NBPF26: variants seen among roughly 807,000 people sequenced by gnomAD.
The protein encoded by NBPF26 is NBPF member 26.
NBPF26 carries 79 observed loss-of-function variants against 119.6 expected under a neutral mutation model. The observed-to-expected ratio is 0.66, with a 90% CI of 0.55 to 0.80. The LOEUF (loss-of-function observed/expected upper bound fraction) is 0.80. Ranked by LOEUF, NBPF26 falls within the 30% of genes least tolerant of loss-of-function variation. The probability of loss-of-function intolerance (pLI) is 0.00; values close to 1 mark genes in which losing one functional copy is unlikely to be tolerated. For synonymous variants in NBPF26, 299 were observed against 457.7 expected (o/e 0.65, Z 4.43); for missense variants, 800 against 1,198.2 (o/e 0.67, Z 4.91).
At chr1:120,812,967 TAAG>T (rs1651909394) in intron 10 of NBPF26, among the ~76,000 whole-genome samples, 10 of 118,152 alleles carry the variant, frequency 8.5e-5, no homozygotes, top group Admixed American at 5.6e-4. Flanking sequence ...TAAATAAAAA[TAAG>T]AATAAAAAGC....
chr1:120,724,135 G>A, exon 1 of NBPF26: 1 of 1,361,538 alleles, frequency 7.3e-7, no homozygotes. Context: ...CCCAGGCGGC[G>A]GCGGCGGCGG....
In NBPF26 at chr1:120,810,881, C is replaced by T. The variant is rs1254206956; in HGVS notation, c.1564+323C>T. Reference sequence around the variant, plus strand: ...AGGTGGGAGGATGGGCTGAGATGATCCTCCCACTCTAATTCACTTCTGTCA... The same window carrying T: ...AGGTGGGAGGATGGGCTGAGATGATTCTCCCACTCTAATTCACTTCTGTCA... On this transcript the variant is annotated intron_variant, in intron 9 of 29. Coordinates refer to ENST00000620612, the Ensembl canonical transcript of NBPF26. Among the ~76,000 whole-genome samples, 10 of 108,838 alleles carry T rather than the reference C, an allele frequency of 9.2e-5. No homozygotes were observed. The East Asian group carries it at 2.1e-3, about 23-fold the overall frequency. The allele number at this position is 108,838 out of a possible 152,430, so 71.4% of individuals were successfully genotyped here.
intron 22 of NBPF26, among the ~76,000 whole-genome samples, chr1:120,832,636 G>T (rs1389617664): frequency 8.2e-6 from 1 of 121,320 alleles, no homozygotes; most frequent in African/African-American, 4.6e-5. Flanking sequence ...ACAAACTTGG[G>T]ACAAATGATA....
rs1651883645 is a variant in NBPF26 at position 120,812,112 on chromosome 1, C to G, written c.1774+17C>G. 3 of 1,161,948 alleles carry G rather than the reference C, an allele frequency of 2.6e-6. No homozygotes were observed. The highest frequency in any genetic ancestry group is 1.3e-5 in the South Asian group (1 of 76,984). 72.0% of individuals were successfully genotyped at this position (1,161,948 alleles called of 1,614,324 possible). On this transcript the variant is annotated intron_variant, in intron 10 of 29. Coordinates refer to ENST00000620612, the Ensembl canonical transcript of NBPF26. Reference sequence around the variant, plus strand: ...ACAAATACAGTAAGATCTATTGGCTCACCATCACGAAAGTGATGAACGAGG... The same window carrying G: ...ACAAATACAGTAAGATCTATTGGCTGACCATCACGAAAGTGATGAACGAGG...
chr1:120,728,573 G>A (rs1650840713), intron 1 of NBPF26, among the ~76,000 whole-genome samples: 1 of 117,056 alleles, frequency 8.5e-6, no homozygotes, highest in South Asian at 2.4e-4. Context: ...TGCTTCCACT[G>A]CTTCCTGTAT....
Position 120,805,665 on chromosome 1 carries a change from C to T in NBPF26, c.861C>T (p.Arg287=). ...TTCTAGAAATCAACGAGACATTGCG[C>T]CCCCAGCTGCCAGAGAACAAACAGC... The change falls in exon 5 of 30, where the codon CGC becomes CGT. Residue 287 remains arginine (R), a synonymous_variant. Transcript: ENST00000620612. 11 of 1,456,264 alleles carry T rather than the reference C, an allele frequency of 7.6e-6. 2 individuals carry two copies. The highest frequency in any genetic ancestry group is 9.3e-6 in the Non-Finnish European group (10 of 1,077,562). The allele number at this position is 1,456,264 out of a possible 1,614,324, so 90.2% of individuals were successfully genotyped here.
At chr1:120,770,331 G>A (rs1361833076) in intron 2 of NBPF26, among the ~76,000 whole-genome samples, 1 of 108,090 alleles carries the variant, frequency 9.3e-6, no homozygotes, top group East Asian at 2.2e-4. Context: ...CACCACGCCC[G>A]GCTAATTTTT....
chr1:120,770,416 G>A (rs1441243594), intron 2 of NBPF26, among the ~76,000 whole-genome samples: 1 of 111,190 alleles, frequency 9.0e-6, no homozygotes, highest in Non-Finnish European at 1.7e-5. Context: ...TGATCTGCCC[G>A]CCTCGGCCTC....
At position 120,802,267 on chromosome 1, in the gene NBPF26, C is replaced by T. The variant is rs1454129837; in HGVS notation, c.752-3289C>T. ...TGAATGAGAATCCCTGTAAGGAGGA[C>T]GATGAACTTGAATTTGCACTGACTT... On this transcript the variant is annotated intron_variant, in intron 4 of 29. Coordinates refer to ENST00000620612, the Ensembl canonical transcript of NBPF26. 3.0e-3 allele frequency among the ~76,000 whole-genome samples: 378 copies of T among 126,084 alleles called. 63 individuals are homozygous for T. Among genetic ancestry groups the T allele is most frequent in the South Asian group, 0.013 (56 of 4,164 alleles). The allele number at this position is 126,084 out of a possible 152,430, so 82.7% of individuals were successfully genotyped here. A position where few individuals can be genotyped will look rare whatever the true frequency, so the allele number is the denominator to read the frequency against.
Position 120,840,527 on chromosome 1 carries a change from G to A in NBPF26, c.4281G>A (p.Arg1427=), listed in dbSNP as rs1553273547. The stretch of plus-strand genomic sequence containing the variant: ...GCTTCGCCCTTTACGTGGACAATAG[G>A]TTTTTTACTTTGACGGTGACAAGTC... The change falls in exon 30 of 30, where the codon AGG becomes AGA. Residue 1427 remains arginine (R), a synonymous_variant. Coordinates refer to ENST00000620612, the Ensembl canonical transcript of NBPF26. 714 of 1,472,446 alleles carry A rather than the reference G, an allele frequency of 4.8e-4. 163 individuals are homozygous for A. Among genetic ancestry groups the A allele is most frequent in the Middle Eastern group, 1.4e-3 (6 of 4,186 alleles). The allele number at this position is 1,472,446 out of a possible 1,614,324, so 91.2% of individuals were successfully genotyped here. A position where few individuals can be genotyped will look rare whatever the true frequency, so the allele number is the denominator to read the frequency against.
Position 120,758,166 on chromosome 1 carries a change from G to A in NBPF26, c.74-5462G>A, listed in dbSNP as rs1375030157. Among the ~76,000 whole-genome samples the A allele has an allele frequency of 1.6e-5, 2 of 124,524 alleles. 1 individual carries two copies. The highest frequency in any genetic ancestry group is 3.3e-5 in the Non-Finnish European group (2 of 61,322). 81.7% of individuals were successfully genotyped at this position (124,524 alleles called of 152,430 possible). ...AGAGGGCATAAACTGGGCAGAGAAT[G>A]CAGTGGAAGTGGTGGGGAGTAATAC... On this transcript the variant is annotated intron_variant, in intron 1 of 29. Transcript: ENST00000620612.
At chr1:120,814,680 C>G in intron 11 of NBPF26, 149 bp from the exon 12 acceptor site, 1 of 615,098 alleles carries the variant, frequency 1.6e-6, no homozygotes, top group Non-Finnish European at 2.9e-6. Flanking sequence ...TCTATTCTTT[C>G]TCTTGGCCAC....
chr1:120,811,809 C>T, intron 9 of NBPF26, 77 bp from the exon 10 acceptor site: 3 of 692,328 alleles, frequency 4.3e-6, no homozygotes, highest in East Asian at 2.5e-5. Flanking sequence ...CTACCAGTGA[C>T]ATCCCTCAGT....
At chr1:120,840,428 A>T (rs1652490402) in exon 30 of NBPF26, 3 of 1,470,566 alleles carry the variant, frequency 2.0e-6, no homozygotes, top group Admixed American at 1.8e-5. Context: ...CGACTCCGTC[A>T]ATGTACTTTG....
chr1:120,824,034 A>T lies in NBPF26; in HGVS notation c.2700A>T (p.Arg900Ser), dbSNP rs1178135092. The change falls in exon 18 of 30, where the codon AGA becomes AGT. Residue 900 changes from arginine to serine, a missense_variant. Transcript: ENST00000620612. Reference sequence around the variant, plus strand: ...AAGTCTTGCAGGACTCACTGGATAGATGTTATTCAACTCCTTCAGGTTGTC... The same window carrying T: ...AAGTCTTGCAGGACTCACTGGATAGTTGTTATTCAACTCCTTCAGGTTGTC... 7 of 594,226 alleles carry T rather than the reference A, an allele frequency of 1.2e-5. 1 individual carries two copies. Among genetic ancestry groups the T allele is most frequent in the Admixed American group, 8.2e-5 (3 of 36,676 alleles). 36.8% of individuals were successfully genotyped at this position (594,226 alleles called of 1,614,324 possible).
chr1:120,811,247 CAA>C (rs1281412078), intron 9 of NBPF26, among the ~76,000 whole-genome samples: 2 of 93,466 alleles, frequency 2.1e-5, no homozygotes, highest in Admixed American at 1.0e-4. Context: ...GACTCCATCT[CAA>C]AAAAAAAAAG....
chr1:120,789,536 T>C (rs1651460252), intron 3 of NBPF26, among the ~76,000 whole-genome samples: 2 of 108,740 alleles, frequency 1.8e-5, no homozygotes, highest in African/African-American at 1.2e-4. Context: ...CTCATGAGAC[T>C]TATTCACTAT....
At chr1:120,808,093 T>C (rs1189669154) in intron 6 of NBPF26, among the ~76,000 whole-genome samples, 2 of 119,506 alleles carry the variant, frequency 1.7e-5, no homozygotes, top group Non-Finnish European at 3.4e-5. Flanking sequence ...TTTCACTCAA[T>C]CAATGTTGCC....
At position 120,727,982 on chromosome 1, in the gene NBPF26, G is replaced by A. The variant is rs1267001963; in HGVS notation, c.73+3732G>A. ...GACCTTGTAGGAGAGCCACTGTTTC[G>A]GTCCTCCATTTTCTGATGTTCATTG... On this transcript the variant is annotated intron_variant, in intron 1 of 29. Transcript: ENST00000620612. Among the ~76,000 whole-genome samples the A allele has an allele frequency of 2.5e-5, 3 of 119,180 alleles. 1 individual carries two copies. The highest frequency in any genetic ancestry group is 2.1e-4 in the East Asian group (1 of 4,854). The allele number at this position is 119,180 out of a possible 152,430, so 78.2% of individuals were successfully genotyped here. A position where few individuals can be genotyped will look rare whatever the true frequency, so the allele number is the denominator to read the frequency against.
Sources: gnomAD v4.1 joint callset for allele counts (sites outside exome capture counted in the v4.1 genomes callset) on GRCh38, gnomAD v4.1.1 for gene constraint, MANE v1.5 for transcripts, NCBI Gene and HGNC (gene_info 2026-07-23, HGNC 2026-07-21) for gene names.